The following VPS13D variants were observed in gnomAD, a reference collection of about 807,000 sequenced individuals.
VPS13D encodes the protein intermembrane lipid transfer protein VPS13D.
In VPS13D, 187 loss-of-function variants were observed where a neutral mutation model predicts 461.9. The observed-to-expected ratio is 0.40, with a 90% CI of 0.36 to 0.46. The LOEUF is 0.46. Ranked by LOEUF, VPS13D falls within the 20% of genes least tolerant of loss-of-function variation. The probability of loss-of-function intolerance (pLI) is 0.60; values close to 1 mark genes in which losing one functional copy is unlikely to be tolerated. For synonymous variants in VPS13D, 1,951 were observed against 1,986.3 expected, an observed-to-expected ratio of 0.98 and a Z score of 0.47; for missense variants, 4,711 against 5,364.9, an observed-to-expected ratio of 0.88 and a Z score of 3.81.
In VPS13D at chr1:12,274,377, T is replaced by C. The variant is rs368690815; in HGVS notation, c.2236+1242T>C. 2.8e-4 allele frequency among the ~76,000 whole-genome samples: 42 copies of C among 152,304 alleles called. 3 individuals are homozygous for C. The highest frequency in any genetic ancestry group is 2.2e-3 in the Admixed American group (33 of 15,298). ...TTTTAGTAGAGACAGGGTTTCGCCA[T>C]GTTGGCCAGGCTGGTTTTGAACTCC... On this transcript the variant is annotated intron_variant, in intron 18 of 69. Transcript: ENST00000620676.
intron 65 of VPS13D, among the ~76,000 whole-genome samples, chr1:12,452,804 C>T (rs1284124792): frequency 6.6e-6 from 1 of 152,248 alleles, no homozygotes; most frequent in Non-Finnish European, 1.5e-5. Flanking sequence ...TAGATTTCAA[C>T]ATCTACTCAA....
Position 12,277,854 on chromosome 1 carries a change from G to A in VPS13D, c.4266G>A (p.Leu1422=). 1 of 1,614,150 alleles carries A rather than the reference G, an allele frequency of 6.2e-7. No homozygotes were observed. The highest frequency in any genetic ancestry group is 2.2e-5 in the East Asian group (1 of 44,880). Residue 1422 remains leucine, a synonymous_variant, in exon 19 of 70, where the codon CTG becomes CTA. Transcript: ENST00000620676. ...ATGATGAATCCAGAAGTGACCGTCT[G>A]CAGGTGGAAATCAAGGACATTAAAC... The part of the protein sequence containing the change: ...AGDDESRSDR[L]QVEIKDIKLY...
At chr1:12,464,855 G>C (rs190793708) in intron 67 of VPS13D, 1 of 152,224 alleles carries the variant, frequency 6.6e-6, no homozygotes. Flanking sequence ...CCAAGGCAAC[G>C]TTCTGCTGGC....
At chr1:12,258,856 G>GGTCA (rs1437088864) in intron 10 of VPS13D, among the ~76,000 whole-genome samples, 5 of 152,134 alleles carry the variant, frequency 3.3e-5, no homozygotes, top group Non-Finnish European at 7.3e-5. Flanking sequence ...CCTGCTGTGT[G>GGTCA]GTCAGTGAGG....
rs1570044741 is a variant in VPS13D, at chr1:12,378,472, A to T, written c.10962A>T (p.Gly3654=). Residue 3654 remains glycine (G), a synonymous_variant, in exon 56 of 70, where the codon GGA becomes GGT. Transcript: ENST00000620676. ...RSQLWRMTGT[G]MLAHEGSSVP... Reference sequence around the variant, plus strand: ...AGCTGTGGAGGATGACAGGAACAGGAATGCTGGCCCATGAGGGCTCCTCAG... The same window carrying T: ...AGCTGTGGAGGATGACAGGAACAGGTATGCTGGCCCATGAGGGCTCCTCAG... 6.2e-7 allele frequency: 1 copy of T among 1,612,228 alleles called. No homozygotes were observed. The highest frequency in any genetic ancestry group is 8.5e-7 in the Non-Finnish European group (1 of 1,179,286).
intron 63 of VPS13D, among the ~76,000 whole-genome samples, chr1:12,405,073 C>T (rs149040738): frequency 0.019 from 2,954 of 152,324 alleles, 115 homozygotes; most frequent in Admixed American, 0.1. Flanking sequence ...AGGGTCCTAA[C>T]GTAGATGCCC....
chr1:12,403,028 G>A (rs995219638), intron 62 of VPS13D, among the ~76,000 whole-genome samples: 2 of 152,176 alleles, frequency 1.3e-5, no homozygotes, highest in African/African-American at 4.8e-5. Context: ...GCATAAATGG[G>A]CAGGTCTCTG....
Position 12,310,865 on chromosome 1 carries a change from C to T in VPS13D, c.6651-589C>T, listed in dbSNP as rs370275595. ...CCTCCTTCCCTCCTTCCTTCCTTCC[C>T]TCCTTCCCTCCTTCCCTCCTTCCCT... is the stretch of plus-strand genomic sequence containing the variant. On this transcript the variant is annotated intron_variant, in intron 27 of 69. Transcript: ENST00000620676. 2.5e-3 allele frequency among the ~76,000 whole-genome samples: 264 copies of T among 107,430 alleles called. 1 individual carries two copies. The highest frequency in any genetic ancestry group is 8.9e-3 in the African/African-American group (238 of 26,734). The allele number at this position is 107,430 out of a possible 152,430, so 70.5% of individuals were successfully genotyped here.
intron 63 of VPS13D, among the ~76,000 whole-genome samples, chr1:12,413,353 A>G (rs891288088): frequency 6.6e-6 from 1 of 151,438 alleles, no homozygotes; most frequent in African/African-American, 2.4e-5. Context: ...GCGTGGTGGT[A>G]TGTACCTGTA....
chr1:12,233,554 C>T (rs925217679), intron 1 of VPS13D, among the ~76,000 whole-genome samples: 2 of 152,308 alleles, frequency 1.3e-5, no homozygotes, highest in East Asian at 3.9e-4. Context: ...CCTCTGATCA[C>T]GGCAGTCTAA....
intron 67 of VPS13D, among the ~76,000 whole-genome samples, chr1:12,483,207 C>A (rs1420089483): frequency 1.3e-5 from 2 of 152,208 alleles, no homozygotes; most frequent in African/African-American, 2.4e-5. Context: ...TCTGGCTATT[C>A]ATTCATTCAG....
At chr1:12,335,982 A>T (rs762292994) in intron 39 of VPS13D, 155 bp downstream of exon 39, 5 of 1,139,054 alleles carry the variant, frequency 4.4e-6, no homozygotes, top group Non-Finnish European at 6.1e-6. Flanking sequence ...TTTGCAGGAG[A>T]CAGTTTTCTG....
chr1:12,287,272 A>G (rs193143261), intron 21 of VPS13D, among the ~76,000 whole-genome samples: 62 of 152,288 alleles, frequency 4.1e-4, no homozygotes, highest in Admixed American at 3.1e-3. Context: ...CCACAAAGTC[A>G]TTGCTCCAGC....
At chr1:12,461,429 CCAGAATGCCTTCCATCTGGAAG>C (rs1026554704) in intron 67 of VPS13D, among the ~76,000 whole-genome samples, 2 of 152,118 alleles carry the variant, frequency 1.3e-5, no homozygotes, top group Admixed American at 1.3e-4. Context: ...GTGTGCTGTG[CCAGAATGCCTTCCATCTGGAAG>C]CAGCTGAGTA....
chr1:12,369,235 G>C (rs1446796614), intron 53 of VPS13D, among the ~76,000 whole-genome samples: 2 of 151,930 alleles, frequency 1.3e-5, no homozygotes, highest in African/African-American at 4.8e-5. Flanking sequence ...GTATCTGTGT[G>C]TGTGTGTGTG....
At chr1:12,478,581 A>G (rs1245681462) in intron 67 of VPS13D, 1 of 347,704 alleles carries the variant, frequency 2.9e-6, no homozygotes, top group African/African-American at 2.1e-5. Flanking sequence ...ACCAGCTGCC[A>G]TTCAGAACTT....
chr1:12,293,533 G>A lies in VPS13D; in HGVS notation c.5862G>A (p.Arg1954=). 4 of 1,607,076 alleles carry A rather than the reference G, an allele frequency of 2.5e-6. No homozygotes were observed. The highest frequency in any genetic ancestry group is 2.6e-6 in the Non-Finnish European group (3 of 1,175,870). ...ALIFQTFKYG[R]PDPLLRREHD... ...TTATCCTAATTTTTAGATACGGACG[G>A]CCTGACCCTCTGCTCCGGAGAGAAC... The change falls in exon 24 of 70, where the codon CGG becomes CGA. Residue 1954 remains arginine (R), a synonymous_variant. Transcript: ENST00000620676.
At chr1:12,425,262 A>G (rs1380706874) in intron 65 of VPS13D, among the ~76,000 whole-genome samples, 2 of 152,146 alleles carry the variant, frequency 1.3e-5, no homozygotes, top group African/African-American at 4.8e-5. Flanking sequence ...ATGACGGTTA[A>G]AAATCAGAAA....
chr1:12,409,285 C>T (rs1644693745), intron 63 of VPS13D, among the ~76,000 whole-genome samples: 2 of 152,088 alleles, frequency 1.3e-5, no homozygotes, highest in Non-Finnish European at 2.9e-5. Flanking sequence ...AAAGTTTTCC[C>T]TTCTCTATGG....
Sources: gnomAD v4.1 joint callset for allele counts (sites outside exome capture counted in the v4.1 genomes callset) on GRCh38, gnomAD v4.1.1 for gene constraint, MANE v1.5 for transcripts, NCBI Gene and HGNC (gene_info 2026-07-23, HGNC 2026-07-21) for gene names.